Variants in PPEF1 observed in about 807,000 individuals in gnomAD.
PPEF1 encodes the protein protein phosphatase with EF-hand domain 1.
Under a neutral mutation model 53.3 loss-of-function variants are expected in PPEF1, and 12 were observed. The observed-to-expected ratio is 0.23, with a 90% CI of 0.14 to 0.36. The LOEUF is 0.36. Among genes scored for constraint, PPEF1 ranks in the 10% least tolerant of loss-of-function variants. The pLI is 1.00. For synonymous variants in PPEF1, 165 were observed against 176.7 expected (o/e 0.93, Z 0.52); for missense variants, 334 against 490.4 (o/e 0.68, Z 3.01).
In PPEF1 at chrX:18,760,026, C is replaced by T. The variant is rs374308713; in HGVS notation, c.512-1504C>T. 2.3e-3 allele frequency among the ~76,000 whole-genome samples: 260 copies of T among 111,942 alleles called. 2 individuals are homozygous for T. Among genetic ancestry groups the T allele is most frequent in the African/African-American group, 8.0e-3 (248 of 30,842 alleles). On this transcript the variant is annotated intron_variant, in intron 5 of 15. Transcript: ENST00000470157. ...TTTGAGACAGAGTCTCGCTCTGTCA[C>T]CCAGGCTGGAGTGCAGTGGAGTGAT...
rs1420651418 is a variant in PPEF1, at chrX:18,805,855, A to G, written c.1252-548A>G. On this transcript the variant is annotated intron_variant, in intron 11 of 15. Coordinates refer to ENST00000470157, the MANE Select transcript of PPEF1 (RefSeq NM_001377996.1). ...AGACTCCATCTTAAAAAAAAAAAAA[A>G]AAAAATTGTCCTCCCATATTCTACC... is the stretch of plus-strand genomic sequence containing the variant. Among the ~76,000 whole-genome samples, 4 of 107,463 alleles carry G rather than the reference A, an allele frequency of 3.7e-5. No homozygotes were observed. In the East Asian group the frequency reaches 1.2e-3, roughly 32 times the overall value. 93.3% of individuals were successfully genotyped at this position (107,463 alleles called of 115,157 possible). A position where few individuals can be genotyped will look rare whatever the true frequency, so the allele number is the denominator to read the frequency against.
At chrX:18,749,117 G>C (rs2045388153) in intron 3 of PPEF1, among the ~76,000 whole-genome samples, 1 of 111,462 alleles carries the variant, frequency 9.0e-6, no homozygotes, top group Admixed American at 9.5e-5. Context: ...GGGACCCTGG[G>C]TCTCAGCACC....
chrX:18,685,327 G>A (rs747014144), intron 2 of PPEF1, among the ~76,000 whole-genome samples: 48 of 112,269 alleles, frequency 4.3e-4, no homozygotes, highest in Non-Finnish European at 6.8e-4. Context: ...CAATTAGTAG[G>A]TTGTTTAATT....
intron 6 of PPEF1, among the ~76,000 whole-genome samples, chrX:18,776,243 GGTTT>G (rs1242888820): frequency 7.4e-4 from 81 of 110,154 alleles, no homozygotes; most frequent in African/African-American, 2.0e-3. Flanking sequence ...TTGGTTGGTT[GGTTT>G]GTTTTAGACA....
intron 3 of PPEF1, among the ~76,000 whole-genome samples, chrX:18,745,028 A>C (rs1329570851): frequency 1.0e-5 from 1 of 99,348 alleles, no homozygotes; most frequent in Non-Finnish European, 2.0e-5. Flanking sequence ...AAAATATAAA[A>C]TATATATTTA....
intron 1 of PPEF1, among the ~76,000 whole-genome samples, chrX:18,716,120 T>C (rs2044446741): frequency 8.9e-6 from 1 of 112,260 alleles, no homozygotes; most frequent in Non-Finnish European, 1.9e-5. Flanking sequence ...CTAAAGGAAA[T>C]TGTTCCTTTC....
At chrX:18,696,154 G>A (rs932368657) in intron 4 of PPEF1, among the ~76,000 whole-genome samples, 12 of 109,907 alleles carry the variant, frequency 1.1e-4, no homozygotes, top group African/African-American at 3.6e-4. Context: ...AGAGTCCTTC[G>A]ATTTTTTTTT....
rs373622121 is a variant in PPEF1, at chrX:18,708,957, A to C, written c.46+1131A>C. 1.6e-4 allele frequency among the ~76,000 whole-genome samples: 17 copies of C among 106,466 alleles called. 1 individual carries two copies. The highest frequency in any genetic ancestry group is 1.2e-3 in the Admixed American group (12 of 9,895). 92.5% of individuals were successfully genotyped at this position (106,466 alleles called of 115,157 possible). On this transcript the variant is annotated intron_variant, in intron 1 of 15. Transcript: ENST00000470157. ...AAATTTAGCCAAATTTCCTAGGTTAAAAAAAAAAAAGCCAAGTCCAACTTG... is the reference window on the plus strand; with the variant it reads ...AAATTTAGCCAAATTTCCTAGGTTACAAAAAAAAAAGCCAAGTCCAACTTG...
chrX:18,685,610 G>A (rs1434444416), intron 2 of PPEF1, among the ~76,000 whole-genome samples: 3 of 107,081 alleles, frequency 2.8e-5, no homozygotes, highest in East Asian at 2.9e-4. Context: ...GCGTGAACCC[G>A]GGAGGCGGGG....
intron 9 of PPEF1, among the ~76,000 whole-genome samples, chrX:18,784,903 A>G (rs1016856488): frequency 3.3e-4 from 37 of 110,654 alleles, no homozygotes; most frequent in African/African-American, 1.2e-3. Flanking sequence ...TACTCAAGCC[A>G]AGAGGAAGCC....
intron 10 of PPEF1, among the ~76,000 whole-genome samples, chrX:18,797,186 A>G (rs1011057689): frequency 8.9e-6 from 1 of 112,226 alleles, no homozygotes; most frequent in African/African-American, 3.2e-5. Flanking sequence ...AAACACACAC[A>G]TAAGTTATGC....
intron 2 of PPEF1, among the ~76,000 whole-genome samples, chrX:18,685,481 C>A (rs1050803932): frequency 9.0e-6 from 1 of 110,565 alleles, no homozygotes; most frequent in Non-Finnish European, 1.9e-5. Context: ...GTCAGGAGAT[C>A]GAGACCATCC....
chrX:18,800,860 G>T (rs753461273), intron 10 of PPEF1, among the ~76,000 whole-genome samples: 1 of 111,713 alleles, frequency 9.0e-6, no homozygotes, highest in African/African-American at 3.3e-5. Context: ...AACTATATAT[G>T]TTAAGGGTAA....
chrX:18,824,896 T>C (rs1412551189), intron 14 of PPEF1, among the ~76,000 whole-genome samples: 1 of 111,209 alleles, frequency 9.0e-6, no homozygotes, highest in Non-Finnish European at 1.9e-5. Flanking sequence ...ACTCTTGACC[T>C]CAAGTGATCT....
intron 2 of PPEF1, 94 bp downstream of exon 2, chrX:18,730,402 A>T: frequency 9.6e-7 from 1 of 1,038,420 alleles, no homozygotes; most frequent in Admixed American, 2.6e-5. Context: ...TTTTAAGCTG[A>T]GGAAGCTTGG....
chrX:18,736,388 G>A (rs1350922497), intron 3 of PPEF1, among the ~76,000 whole-genome samples: 21 of 111,784 alleles, frequency 1.9e-4, no homozygotes, highest in East Asian at 5.6e-4. Flanking sequence ...TGAGATAATC[G>A]TGTGGTTTTT....
At chrX:18,812,958 T>G (rs759735308) in intron 12 of PPEF1, among the ~76,000 whole-genome samples, 1 of 111,177 alleles carries the variant, frequency 9.0e-6, no homozygotes, top group South Asian at 3.8e-4. Context: ...AGGCTGGGTC[T>G]CGAACTCCTG....
chrX:18,772,862 A>G, intron 6 of PPEF1, among the ~76,000 whole-genome samples: 1 of 112,449 alleles, frequency 8.9e-6, no homozygotes, highest in Non-Finnish European at 1.9e-5. Flanking sequence ...CAGCATTTCA[A>G]TTCCTCACTG....
At chrX:18,680,204 TTGCTGCTGCTGCTGC>T (rs757808484), upstream of PPEF1, among the ~76,000 whole-genome samples, 1 of 109,936 alleles carries the variant, frequency 9.1e-6, no homozygotes, top group African/African-American at 3.3e-5. Context: ...CTCGGGGCCT[TTGCTGCTGCTGCTGC>T]TGCTGCTGCT....
Sources: gnomAD v4.1 joint callset for allele counts (sites outside exome capture counted in the v4.1 genomes callset) on GRCh38, gnomAD v4.1.1 for gene constraint, MANE v1.5 for transcripts, NCBI Gene and HGNC (gene_info 2026-07-23, HGNC 2026-07-21) for gene names.